The following PEX26 variants were observed in gnomAD, a reference collection of about 807,000 sequenced individuals.
PEX26 encodes peroxisome assembly protein 26.
Under a neutral mutation model 31.4 loss-of-function variants are expected in PEX26, and 18 were observed. The ratio of observed to expected loss-of-function variants is 0.57; its 90% CI spans 0.40 to 0.85. The LOEUF (loss-of-function observed/expected upper bound fraction) is 0.85. Among genes scored for constraint, PEX26 ranks in the 40% least tolerant of loss-of-function variants. PEX26 has a pLI of 0.00. For missense variants in PEX26, 377 were observed against 383.9 expected, an observed-to-expected ratio of 0.98 and a Z score of 0.15; for synonymous variants, 176 against 166.9, an observed-to-expected ratio of 1.05 and a Z score of -0.42.
Position 18,078,269 on chromosome 22 carries a change from A to T in PEX26, c.-108A>T. On this transcript the variant is annotated 5_prime_UTR_variant, in exon 1 of 5. Coordinates refer to ENST00000399744, the MANE Select transcript of PEX26 (RefSeq NM_001127649.3). ...ACCTCGGGAAGGGGTGTGGGCAAAG[A>T]GATGAGGACTCTCCCTCTTCGCCCA... is the stretch of plus-strand genomic sequence containing the variant. 1 of 812,634 alleles carries T rather than the reference A, an allele frequency of 1.2e-6. No homozygotes were observed. The allele number at this position is 812,634 out of a possible 1,614,324, so 50.3% of individuals were successfully genotyped here. A position where few individuals can be genotyped will look rare whatever the true frequency, so the allele number is the denominator to read the frequency against.
chr22:18,088,369 A>T lies in PEX26; in HGVS notation c.*294A>T. On this transcript the variant is annotated 3_prime_UTR_variant, in exon 5 of 5. Transcript: ENST00000399744. This position sits in a 1 kb window ranked among gnomAD's most constrained non-coding sequence, Gnocchi z 4.1. Reference sequence around the variant, plus strand: ...TTGGGGACAGGGACTGTGTCCATGAAACATTCCATCTTCTTGGTGAAGGCA... The same window carrying T: ...TTGGGGACAGGGACTGTGTCCATGATACATTCCATCTTCTTGGTGAAGGCA... 1 of 516,312 alleles carries T rather than the reference A, an allele frequency of 1.9e-6. No individual in the cohort carries two copies. Among genetic ancestry groups the T allele is most frequent in the South Asian group, 2.0e-5 (1 of 50,930 alleles). The allele number at this position is 516,312 out of a possible 1,614,324, so 32.0% of individuals were successfully genotyped here. A position where few individuals can be genotyped will look rare whatever the true frequency, so the allele number is the denominator to read the frequency against.
rs1237465465 is a variant in PEX26, at chr22:18,079,775, TGCTGAGTTGGGA to T, written c.231-94_231-83del. On this transcript the variant is annotated intron_variant, in intron 1 of 4. Coordinates refer to ENST00000399744, the MANE Select transcript of PEX26 (RefSeq NM_001127649.3). ...TAACAGGGATGAGAGAGATGATGGC[TGCTGAGTTGGGA>T]GCTGGAGAGGAACAGTCCCAAGGTG... The T allele has an allele frequency of 2.2e-6, 3 of 1,339,796 alleles. No homozygotes were observed. The Admixed American group carries it at 5.1e-5, about 23-fold the overall frequency. The allele number at this position is 1,339,796 out of a possible 1,614,324, so 83.0% of individuals were successfully genotyped here.
At position 18,093,989 on chromosome 22, in the gene PEX26, T is replaced by C. The variant is rs1005308066; in HGVS notation, c.*5914T>C. ...ACTCACCAAGGGCTGGATCCAAATA[T>C]GTGGGGTTGGGATTCTGTGACCTAC... is the stretch of plus-strand genomic sequence containing the variant. On this transcript the variant is annotated 3_prime_UTR_variant, in exon 5 of 5. Transcript: ENST00000399744. 2 of 152,260 alleles carry C rather than the reference T, an allele frequency of 1.3e-5. No homozygotes were observed. Among genetic ancestry groups the C allele is most frequent in the Non-Finnish European group, 2.9e-5 (2 of 68,042 alleles). 9.4% of individuals were successfully genotyped at this position (152,260 alleles called of 1,614,324 possible).
At chr22:18,079,045 T>C (rs2061174842) in intron 1 of PEX26, 1 of 172,568 alleles carries the variant, frequency 5.8e-6, no homozygotes, top group Non-Finnish European at 1.2e-5. Context: ...ATTAAAGAAT[T>C]AATTCAGGGC....
rs1222399291 is a variant in PEX26 at position 18,102,885 on chromosome 22, A to T, written c.*14810A>T. On this transcript the variant is annotated 3_prime_UTR_variant, in exon 5 of 5. Transcript: ENST00000399744. ...CGAATCACGAGGTCAGGAGTTCGAG[A>T]CCAGCCTGGCCAACACGGTGAAACC... 1 of 152,126 alleles carries T rather than the reference A, an allele frequency of 6.6e-6. No homozygotes were observed. The highest frequency in any genetic ancestry group is 1.5e-5 in the Non-Finnish European group (1 of 68,026). The allele number at this position is 152,126 out of a possible 1,614,324, so 9.4% of individuals were successfully genotyped here. A position where few individuals can be genotyped will look rare whatever the true frequency, so the allele number is the denominator to read the frequency against.
Position 18,078,208 on chromosome 22 carries a change from C to G in PEX26, c.-169C>G. Reference sequence around the variant, plus strand: ...CTCCAGGCGAGCCCAGCTTTTGCCTCAGATAGGCCCCTTCCTTTTCCTTCT... The same window carrying G: ...CTCCAGGCGAGCCCAGCTTTTGCCTGAGATAGGCCCCTTCCTTTTCCTTCT... On this transcript the variant is annotated 5_prime_UTR_variant, in exon 1 of 5. Transcript: ENST00000399744. The G allele has an allele frequency of 1.4e-6, 1 of 708,126 alleles. No individual in the cohort carries two copies. 43.9% of individuals were successfully genotyped at this position (708,126 alleles called of 1,614,324 possible). A position where few individuals can be genotyped will look rare whatever the true frequency, so the allele number is the denominator to read the frequency against.
At position 18,098,793 on chromosome 22, in the gene PEX26, A is replaced by G. The variant is rs1358253830; in HGVS notation, c.*10718A>G. On this transcript the variant is annotated 3_prime_UTR_variant, in exon 5 of 5. Transcript: ENST00000399744. ...ATATATATATAATATATATACACATATGCAATGGAGTAATGAAAATACTAT... is the reference window on the plus strand; with the variant it reads ...ATATATATATAATATATATACACATGTGCAATGGAGTAATGAAAATACTAT... 1 of 151,528 alleles carries G rather than the reference A, an allele frequency of 6.6e-6. No homozygotes were observed. Among genetic ancestry groups the G allele is most frequent in the Non-Finnish European group, 1.5e-5 (1 of 67,896 alleles). The allele number at this position is 151,528 out of a possible 1,614,324, so 9.4% of individuals were successfully genotyped here.
In PEX26 at chr22:18,080,854, G is replaced by A. The variant is rs547530707; in HGVS notation, c.371+840G>A. Among the ~76,000 whole-genome samples the A allele has an allele frequency of 5.9e-5, 9 of 152,026 alleles. No individual in the cohort carries two copies. The South Asian group carries it at 1.0e-3, about 18-fold the overall frequency. On this transcript the variant is annotated intron_variant, in intron 2 of 4. Transcript: ENST00000399744. The stretch of plus-strand genomic sequence containing the variant: ...TACTGTTAACCATAACCACCCTACC[G>A]TGCAATAGAACACCACAACTTATTC...
chr22:18,085,349 T>G lies in PEX26; in HGVS notation c.814+91T>G, dbSNP rs540294698. The G allele has an allele frequency of 3.5e-5, 47 of 1,324,932 alleles. No homozygotes were observed. In the African/African-American group the frequency reaches 6.2e-4, roughly 17 times the overall value. The allele number at this position is 1,324,932 out of a possible 1,614,324, so 82.1% of individuals were successfully genotyped here. A position where few individuals can be genotyped will look rare whatever the true frequency, so the allele number is the denominator to read the frequency against. The stretch of plus-strand genomic sequence containing the variant: ...GAGTGGGTGTTTGTCAGAGTCCTAC[T>G]GGGGAGGGGAGTCTCTCCTATGACA... On this transcript the variant is annotated intron_variant, in intron 4 of 4. Transcript: ENST00000399744.
chr22:18,084,209 C>A (rs1926737046), intron 3 of PEX26, among the ~76,000 whole-genome samples: 1 of 148,702 alleles, frequency 6.7e-6, no homozygotes, highest in Non-Finnish European at 1.5e-5. Flanking sequence ...GTGAATACTT[C>A]AAGGACAGAA....
In PEX26 at chr22:18,104,135, C is replaced by T. The variant is rs1927543473; in HGVS notation, c.*16060C>T. On this transcript the variant is annotated 3_prime_UTR_variant, in exon 5 of 5. Transcript: ENST00000399744. ...CCCAGAAAGGGGAACAGTTAATCAT[C>T]TACACAATACCAAGAGCAGGAGGGG... 4 of 152,276 alleles carry T rather than the reference C, an allele frequency of 2.6e-5. No individual in the cohort carries two copies. Among genetic ancestry groups the T allele is most frequent in the East Asian group, 1.9e-4 (1 of 5,180 alleles). The allele number at this position is 152,276 out of a possible 1,614,324, so 9.4% of individuals were successfully genotyped here. A position where few individuals can be genotyped will look rare whatever the true frequency, so the allele number is the denominator to read the frequency against.
chr22:18,088,265 G>T lies in PEX26; in HGVS notation c.*190G>T. ...TCGGCTGGTCGCGGTAGATGATGTG[G>T]AAACAAAGCAGGACCAGCAGGCACA... On this transcript the variant is annotated 3_prime_UTR_variant, in exon 5 of 5. Coordinates refer to ENST00000399744, the MANE Select transcript of PEX26 (RefSeq NM_001127649.3). This position sits in a 1 kb window ranked among gnomAD's most constrained non-coding sequence, Gnocchi z 4.1. 4.3e-6 allele frequency: 3 copies of T among 693,716 alleles called. No individual in the cohort carries two copies. Among genetic ancestry groups the T allele is most frequent in the Non-Finnish European group, 7.9e-6 (3 of 378,140 alleles). 43.0% of individuals were successfully genotyped at this position (693,716 alleles called of 1,614,324 possible).
rs1926487809 is a variant in PEX26, at chr22:18,079,991, AC to A, written c.354del (p.Val120SerfsTer61). ...LQYYQVPEKL[P>X]PKVLELCILL... is the part of the protein sequence containing the mutation. ...AGTATTACCAGGTCCCTGAAAAGCT[AC>A]CCCCCAAAGTCCTGGAGCTGTGGTA... On this transcript the variant is annotated frameshift_variant, in exon 2 of 5. Transcript: ENST00000399744. LOFTEE classifies it high-confidence loss of function. 6.2e-7 allele frequency: 1 copy of A among 1,613,714 alleles called. No homozygotes were observed. Among genetic ancestry groups the A allele is most frequent in the Non-Finnish European group, 8.5e-7 (1 of 1,179,942 alleles).
intron 2 of PEX26, among the ~76,000 whole-genome samples, chr22:18,080,608 A>T (rs1926533419): frequency 6.6e-6 from 1 of 152,316 alleles, no homozygotes; most frequent in Middle Eastern, 3.4e-3. Context: ...GGGATTACAG[A>T]TGTGAGCCAT....
rs5992998 is a variant in PEX26 at position 18,095,348 on chromosome 22, A to G, written c.*7273A>G. 98 of 152,202 alleles carry G rather than the reference A, an allele frequency of 6.4e-4. No homozygotes were observed. The highest frequency in any genetic ancestry group is 2.3e-3 in the African/African-American group (95 of 41,516). 9.4% of individuals were successfully genotyped at this position (152,202 alleles called of 1,614,324 possible). A position where few individuals can be genotyped will look rare whatever the true frequency, so the allele number is the denominator to read the frequency against. ...TACAAGCTGGTAGTTTCATTGGATGACTCACACAGATAAGCCATGCTCTTG... is the reference window on the plus strand; with the variant it reads ...TACAAGCTGGTAGTTTCATTGGATGGCTCACACAGATAAGCCATGCTCTTG... On this transcript the variant is annotated 3_prime_UTR_variant, in exon 5 of 5. Coordinates refer to ENST00000399744, the MANE Select transcript of PEX26 (RefSeq NM_001127649.3).
rs941243019 is a variant in PEX26, at chr22:18,095,113, A to T, written c.*7038A>T. 13 of 152,210 alleles carry T rather than the reference A, an allele frequency of 8.5e-5. No individual in the cohort carries two copies. Among genetic ancestry groups the T allele is most frequent in the Admixed American group, 7.2e-4 (11 of 15,268 alleles). 9.4% of individuals were successfully genotyped at this position (152,210 alleles called of 1,614,324 possible). ...TGGATTTTGGCCTTAGGAATTAGGG[A>T]AGGAAGAAATAGAAGCAGCAAGAGT... On this transcript the variant is annotated 3_prime_UTR_variant, in exon 5 of 5. Coordinates refer to ENST00000399744, the MANE Select transcript of PEX26 (RefSeq NM_001127649.3).
Position 18,078,382 on chromosome 22 carries a change from G to T in PEX26, c.6G>T (p.Lys2Asn). 1 of 1,600,718 alleles carries T rather than the reference G, an allele frequency of 6.2e-7. No individual in the cohort carries two copies. Among genetic ancestry groups the T allele is most frequent in the Non-Finnish European group, 8.5e-7 (1 of 1,174,762 alleles). The change falls in exon 1 of 5, where the codon AAG (lysine) becomes AAT (asparagine). Residue 2 changes from lysine to asparagine, a missense_variant. Lys to Asn is a moderately conservative substitution (Grantham distance 94). Transcript: ENST00000399744. Reference protein sequence around the residue: MKSDSSTSAAPL... With the variant: MNSDSSTSAAPL... ...GCCTTGGACCCGGACTCGTTATGAAGAGCGATTCTTCGACCTCTGCAGCCC... is the reference window on the plus strand; with the variant it reads ...GCCTTGGACCCGGACTCGTTATGAATAGCGATTCTTCGACCTCTGCAGCCC...
Position 18,091,351 on chromosome 22 carries a change from G to C in PEX26, c.*3276G>C, listed in dbSNP as rs778293900. On this transcript the variant is annotated 3_prime_UTR_variant, in exon 5 of 5. Coordinates refer to ENST00000399744, the MANE Select transcript of PEX26 (RefSeq NM_001127649.3). ...TTTAAAAAGAAAAAAAACAATTCTC[G>C]GCTGGGCGCGGTGGCGCATGCCTGT... is the stretch of plus-strand genomic sequence containing the variant. 1 of 152,242 alleles carries C rather than the reference G, an allele frequency of 6.6e-6. No homozygotes were observed. The highest frequency in any genetic ancestry group is 1.5e-5 in the Non-Finnish European group (1 of 68,076). 9.4% of individuals were successfully genotyped at this position (152,242 alleles called of 1,614,324 possible).
rs1395168561 is a variant in PEX26, at chr22:18,097,736, G to T, written c.*9661G>T. On this transcript the variant is annotated 3_prime_UTR_variant, in exon 5 of 5. Transcript: ENST00000399744. ...TTCTTATAAAAAATACAGAGATGGGGTCTTACTACACTGACCAGGCTGGTG... is the reference window on the plus strand; with the variant it reads ...TTCTTATAAAAAATACAGAGATGGGTTCTTACTACACTGACCAGGCTGGTG... The T allele has an allele frequency of 1.3e-5, 2 of 151,344 alleles. No individual in the cohort carries two copies. Among genetic ancestry groups the T allele is most frequent in the Non-Finnish European group, 2.9e-5 (2 of 67,904 alleles). 9.4% of individuals were successfully genotyped at this position (151,344 alleles called of 1,614,324 possible).
Sources: gnomAD v4.1 joint callset for allele counts (sites outside exome capture counted in the v4.1 genomes callset) on GRCh38, gnomAD v4.1.1 for gene constraint, Gnocchi (gnomAD v3.1) non-coding constraint, MANE v1.5 for transcripts, NCBI Gene and HGNC (gene_info 2026-07-23, HGNC 2026-07-21) for gene names.